Variants in ESRRG observed in about 807,000 individuals in gnomAD.
The protein encoded by ESRRG is estrogen-related receptor gamma.
ESRRG carries 13 observed loss-of-function variants against 44.0 expected under a neutral mutation model. The observed-to-expected ratio is 0.30, with a 90% CI of 0.19 to 0.47. The LOEUF is 0.47. Among genes scored for constraint, ESRRG ranks in the 20% least tolerant of loss-of-function variants. The probability of loss-of-function intolerance (pLI) is 1.00; values close to 1 mark genes in which losing one functional copy is unlikely to be tolerated. For missense variants in ESRRG, 395 were observed against 580.6 expected (o/e 0.68, Z 3.29); for synonymous variants, 215 against 214.6 (o/e 1.00, Z -0.02).
intron 1 of ESRRG, among the ~76,000 whole-genome samples, chr1:216,955,208 C>T (rs2067724493): frequency 6.6e-6 from 1 of 152,084 alleles, no homozygotes; most frequent in Non-Finnish European, 1.5e-5. Flanking sequence ...ACACCTACCC[C>T]TCCCAGCCTC....
chr1:216,756,055 A>T (rs185005115), intron 2 of ESRRG, among the ~76,000 whole-genome samples: 2 of 152,100 alleles, frequency 1.3e-5, no homozygotes. Flanking sequence ...ACCCCAGATA[A>T]ATCTAGCTTC....
At chr1:216,998,910 C>T (rs2076687515) in intron 1 of ESRRG, among the ~76,000 whole-genome samples, 1 of 152,180 alleles carries the variant, frequency 6.6e-6, no homozygotes, top group South Asian at 2.1e-4. Context: ...GATAATGAAA[C>T]ATGGACATTC....
At chr1:216,753,341 G>A (rs921805414) in intron 2 of ESRRG, among the ~76,000 whole-genome samples, 56 of 152,166 alleles carry the variant, frequency 3.7e-4, no homozygotes, top group African/African-American at 1.3e-3. Flanking sequence ...TTCAATTAAT[G>A]TTCAGAGAGT....
intron 2 of ESRRG, among the ~76,000 whole-genome samples, chr1:216,784,259 T>A (rs1210677702): frequency 6.6e-6 from 1 of 152,070 alleles, no homozygotes. Flanking sequence ...CTAAAGTGTT[T>A]AAAATATCCA....
intron 1 of ESRRG, among the ~76,000 whole-genome samples, chr1:216,998,721 C>T (rs1045274148): frequency 6.6e-5 from 10 of 152,168 alleles, no homozygotes; most frequent in Non-Finnish European, 1.2e-4. Flanking sequence ...CTTCACACAG[C>T]GTGAAATAAA....
intron 2 of ESRRG, among the ~76,000 whole-genome samples, chr1:216,887,213 G>T (rs2096528742): frequency 6.6e-6 from 1 of 152,100 alleles, no homozygotes; most frequent in Non-Finnish European, 1.5e-5. Context: ...CAAAAGCCCA[G>T]ATCCTCCCAC....
At chr1:216,842,596 G>A (rs538425035) in intron 2 of ESRRG, among the ~76,000 whole-genome samples, 6 of 152,238 alleles carry the variant, frequency 3.9e-5, no homozygotes, top group Admixed American at 1.3e-4. Flanking sequence ...CTTTCTGCCC[G>A]GAGATGTGGC....
At chr1:216,853,745 G>A (rs536116688) in intron 2 of ESRRG, among the ~76,000 whole-genome samples, 4 of 152,262 alleles carry the variant, frequency 2.6e-5, no homozygotes, top group South Asian at 4.1e-4. Context: ...CTTCAACAGC[G>A]AGTTGCTTTG....
chr1:216,604,417 A>G (rs1049691313), intron 3 of ESRRG, among the ~76,000 whole-genome samples: 3 of 152,154 alleles, frequency 2.0e-5, no homozygotes, highest in Admixed American at 6.5e-5. Flanking sequence ...AAACTGTGCC[A>G]ACTGTCAATG....
intron 3 of ESRRG, among the ~76,000 whole-genome samples, chr1:216,574,413 T>C (rs895244083): frequency 3.3e-5 from 5 of 152,162 alleles, no homozygotes; most frequent in Non-Finnish European, 7.4e-5. Flanking sequence ...AAGGTCTTCT[T>C]AGGTCAGCTA....
intron 5 of ESRRG, among the ~76,000 whole-genome samples, chr1:216,530,058 G>A (rs1419280599): frequency 7.2e-6 from 1 of 139,536 alleles, no homozygotes; most frequent in Non-Finnish European, 1.5e-5. Context: ...GTTGCAGTGA[G>A]CTAAGATTGC....
chr1:216,774,429 G>A (rs2093512474), intron 2 of ESRRG, among the ~76,000 whole-genome samples: 2 of 152,242 alleles, frequency 1.3e-5, no homozygotes, highest in African/African-American at 4.8e-5. Flanking sequence ...AAAGCAACAT[G>A]AAATTCTAAA....
chr1:217,042,473 AACACACACAC>A lies in ESRRG; in HGVS notation c.-106+47024_-106+47033del, dbSNP rs140559927. ...AAATGCACACACACATACACACACA[AACACACACAC>A]ACACACACACACACACACACACACA... On this transcript the variant is annotated intron_variant, in intron 1 of 7. Coordinates refer to the ESRRG transcript ENST00000359162. 3.3e-3 allele frequency among the ~76,000 whole-genome samples: 464 copies of A among 139,070 alleles called. 2 individuals carry two copies. The highest frequency in any genetic ancestry group is 0.011 in the African/African-American group (425 of 37,770). 91.2% of individuals were successfully genotyped at this position (139,070 alleles called of 152,430 possible). A position where few individuals can be genotyped will look rare whatever the true frequency, so the allele number is the denominator to read the frequency against.
chr1:217,075,208 T>C (rs2091121899), intron 1 of ESRRG, among the ~76,000 whole-genome samples: 1 of 152,186 alleles, frequency 6.6e-6, no homozygotes, highest in Non-Finnish European at 1.5e-5. Context: ...AAGATAATAA[T>C]GAAACCAGCA....
intron 5 of ESRRG, among the ~76,000 whole-genome samples, chr1:216,530,657 C>T (rs1056277383): frequency 6.6e-6 from 1 of 152,126 alleles, no homozygotes; most frequent in Non-Finnish European, 1.5e-5. Context: ...TAAGCTGCCA[C>T]GTACAAAAGG....
At chr1:216,761,213 A>T (rs79522205) in intron 2 of ESRRG, among the ~76,000 whole-genome samples, 3,420 of 134,758 alleles carry the variant, frequency 0.025, 56 homozygotes, top group Non-Finnish European at 0.033. Flanking sequence ...TTACTACCTT[A>T]TACATACTTC....
intron 2 of ESRRG, among the ~76,000 whole-genome samples, chr1:216,771,591 G>T (rs1394795005): frequency 6.6e-6 from 1 of 151,914 alleles, no homozygotes; most frequent in Non-Finnish European, 1.5e-5. Flanking sequence ...TTCCTGCCAT[G>T]GGAAAAAAGC....
chr1:216,844,111 G>A (rs1043104610), intron 2 of ESRRG, among the ~76,000 whole-genome samples: 1 of 152,156 alleles, frequency 6.6e-6, no homozygotes. Context: ...AGAGGAAGAA[G>A]GCTCTGCTTC....
chr1:217,024,384 A>G (rs2080869933), intron 1 of ESRRG, among the ~76,000 whole-genome samples: 1 of 151,808 alleles, frequency 6.6e-6, no homozygotes, highest in South Asian at 2.1e-4. Flanking sequence ...TAGAGCACTG[A>G]ATAACTTCAG....
Sources: gnomAD v4.1 joint callset for allele counts (sites outside exome capture counted in the v4.1 genomes callset) on GRCh38, gnomAD v4.1.1 for gene constraint, MANE v1.5 for transcripts, NCBI Gene and HGNC (gene_info 2026-07-23, HGNC 2026-07-21) for gene names.